Variants in FER observed in about 807,000 individuals in gnomAD.
The protein encoded by FER is FER tyrosine kinase, also known as tyrosine-protein kinase Fer.
In FER, 63 loss-of-function variants were observed where a neutral mutation model predicts 111.0. The observed-to-expected ratio is 0.57, with a 90% CI of 0.46 to 0.70. The LOEUF (loss-of-function observed/expected upper bound fraction) is 0.70, where lower values mean the gene tolerates loss of function less well. Among genes scored for constraint, FER ranks in the 30% least tolerant of loss-of-function variants. The pLI is 0.00. For synonymous variants in FER, 327 were observed against 313.9 expected (o/e 1.04, Z -0.44); for missense variants, 914 against 954.0 (o/e 0.96, Z 0.55).
chr5:108,919,353 T>C (rs1232964935), intron 10 of FER, among the ~76,000 whole-genome samples: 1 of 152,066 alleles, frequency 6.6e-6, no homozygotes, highest in Non-Finnish European at 1.5e-5. Flanking sequence ...GTACAGAAAA[T>C]TTAGCTATTG....
At chr5:109,179,423 A>G (rs1003942547) in intron 17 of FER, among the ~76,000 whole-genome samples, 11 of 152,192 alleles carry the variant, frequency 7.2e-5, no homozygotes, top group African/African-American at 1.9e-4. Context: ...TATTTGTCCA[A>G]TGCTTTTTCT....
intron 10 of FER, among the ~76,000 whole-genome samples, chr5:108,920,026 T>C (rs987879250): frequency 6.6e-6 from 1 of 151,428 alleles, no homozygotes; most frequent in African/African-American, 2.4e-5. Context: ...TATAAAGAAG[T>C]AGAGTTTTTA....
At chr5:108,771,731 A>G (rs918918384) in intron 2 of FER, among the ~76,000 whole-genome samples, 4 of 152,204 alleles carry the variant, frequency 2.6e-5, no homozygotes, top group Non-Finnish European at 5.9e-5. Flanking sequence ...TCACATATTT[A>G]TATATGTAAA....
At chr5:108,911,184 C>T (rs921736735) in intron 10 of FER, among the ~76,000 whole-genome samples, 4 of 152,046 alleles carry the variant, frequency 2.6e-5, no homozygotes, top group Admixed American at 1.3e-4. Context: ...AAAATGATAT[C>T]TCATTGTGGT....
Position 108,790,732 on chromosome 5 carries a change from A to G in FER, c.-59-7392A>G, listed in dbSNP as rs566531273. On this transcript the variant is annotated intron_variant, in intron 2 of 19. Transcript: ENST00000281092. ...GTTTTTAGTACATTCACAGTTATGC[A>G]GGCACTACTACAATCAATGTTAGAA... Among the ~76,000 whole-genome samples the G allele has an allele frequency of 2.0e-5, 3 of 152,326 alleles. No homozygotes were observed. In the South Asian group the frequency reaches 6.2e-4, roughly 32 times the overall value.
chr5:109,128,272 A>G (rs1370565500), intron 17 of FER, among the ~76,000 whole-genome samples: 1 of 152,062 alleles, frequency 6.6e-6, no homozygotes, highest in Admixed American at 6.5e-5. Context: ...CTATTTCTTA[A>G]TCATGAAATA....
chr5:109,105,357 GATTT>G (rs1421927801), intron 17 of FER, among the ~76,000 whole-genome samples: 1 of 150,054 alleles, frequency 6.7e-6, no homozygotes, highest in Admixed American at 6.7e-5. Flanking sequence ...GATCTTTGAG[GATTT>G]ATTTCTCTAT....
intron 10 of FER, among the ~76,000 whole-genome samples, chr5:108,942,217 A>G (rs1458779391): frequency 1.3e-5 from 2 of 152,166 alleles, no homozygotes; most frequent in African/African-American, 4.8e-5. Context: ...TTATTTCCCT[A>G]GAGACATCTT....
intron 16 of FER, among the ~76,000 whole-genome samples, chr5:109,059,621 T>C (rs1328626639): frequency 1.3e-5 from 2 of 152,290 alleles, no homozygotes; most frequent in East Asian, 3.9e-4. Context: ...CAACATGTAA[T>C]GACAAACGTA....
chr5:108,952,234 G>C (rs911042956), intron 11 of FER, among the ~76,000 whole-genome samples: 5 of 152,122 alleles, frequency 3.3e-5, no homozygotes, highest in Admixed American at 2.0e-4. Flanking sequence ...GGCTGAGAAA[G>C]ATGGGATATT....
intron 10 of FER, among the ~76,000 whole-genome samples, chr5:108,903,837 A>G (rs532498846): frequency 2.0e-5 from 3 of 152,358 alleles, no homozygotes; most frequent in Non-Finnish European, 4.4e-5. Flanking sequence ...TTGGATAGGT[A>G]GTACATGCAC....
At chr5:108,820,610 G>A (rs1023367461) in intron 3 of FER, 9 of 904,742 alleles carry the variant, frequency 9.9e-6, no homozygotes, top group Admixed American at 6.2e-5. Flanking sequence ...GTAATATCCC[G>A]GTAGTCATGT....
intron 17 of FER, among the ~76,000 whole-genome samples, chr5:109,104,361 A>G (rs1250246412): frequency 6.6e-6 from 1 of 152,210 alleles, no homozygotes; most frequent in Non-Finnish European, 1.5e-5. Flanking sequence ...AGATGGATAG[A>G]ACAAAAGTTA....
Position 109,074,354 on chromosome 5 carries a change from G to A in FER, c.1925-26042G>A, listed in dbSNP as rs142345943. Among the ~76,000 whole-genome samples the A allele has an allele frequency of 2.7e-3, 418 of 152,330 alleles. 2 individuals are homozygous for A. Among genetic ancestry groups the A allele is most frequent in the African/African-American group, 9.5e-3 (395 of 41,576 alleles). On this transcript the variant is annotated intron_variant, in intron 16 of 19. Coordinates refer to ENST00000281092, the MANE Select transcript of FER (RefSeq NM_005246.4). ...ATCACAGCCCTATAGTGAAACCAGA[G>A]TAGAGCTGTTATATCAAAAGATACA...
chr5:108,949,562 G>A (rs565610815), intron 11 of FER, among the ~76,000 whole-genome samples: 1 of 152,140 alleles, frequency 6.6e-6, no homozygotes, highest in Admixed American at 6.6e-5. Flanking sequence ...AATTTGTACT[G>A]TAATGGAACA....
intron 13 of FER, among the ~76,000 whole-genome samples, chr5:109,018,148 G>C (rs528858140): frequency 7.3e-4 from 111 of 151,792 alleles, no homozygotes; most frequent in African/African-American, 2.6e-3. Context: ...TTGAATTGGA[G>C]ACATAAGAAG....
In FER at chr5:109,105,159, A is replaced by G. The variant is rs1388237003; in HGVS notation, c.2048+4640A>G. 3.3e-5 allele frequency among the ~76,000 whole-genome samples: 5 copies of G among 151,860 alleles called. No homozygotes were observed. In the East Asian group the frequency reaches 9.6e-4, roughly 29 times the overall value. The stretch of plus-strand genomic sequence containing the variant: ...TATTCTAGAAGAGATTGCCTTGTCC[A>G]GTGATTTCTAATAAGGATTACCTAT... On this transcript the variant is annotated intron_variant, in intron 17 of 19. Coordinates refer to ENST00000281092, the MANE Select transcript of FER (RefSeq NM_005246.4).
At chr5:108,972,604 G>C (rs1287918906) in intron 13 of FER, among the ~76,000 whole-genome samples, 3 of 152,070 alleles carry the variant, frequency 2.0e-5, no homozygotes, top group African/African-American at 7.2e-5. Context: ...GTGTTTGAGA[G>C]CAATAAGGAT....
chr5:108,789,113 G>A (rs1755071194), intron 2 of FER, among the ~76,000 whole-genome samples: 1 of 152,158 alleles, frequency 6.6e-6, no homozygotes, highest in South Asian at 2.1e-4. Flanking sequence ...CAAATCATAA[G>A]TGTTCAGCTT....
Sources: allele counts gnomAD v4.1 joint callset (sites outside exome capture counted in the v4.1 genomes callset), GRCh38; gene constraint gnomAD v4.1.1; transcripts MANE v1.5; gene names NCBI Gene and HGNC (gene_info 2026-07-23, HGNC 2026-07-21).